PCDHGA11: variants seen among roughly 807,000 people sequenced by gnomAD.
PCDHGA11 encodes protocadherin gamma subfamily A, 11.
Under a neutral mutation model 60.4 loss-of-function variants are expected in PCDHGA11, and 39 were observed. The ratio of observed to expected loss-of-function variants is 0.65; its 90% CI spans 0.50 to 0.84. The LOEUF is 0.84. Ranked by LOEUF, PCDHGA11 falls within the 40% of genes least tolerant of loss-of-function variation. The probability of loss-of-function intolerance (pLI) is 0.00; values close to 1 mark genes in which losing one functional copy is unlikely to be tolerated. For synonymous variants in PCDHGA11, 533 were observed against 510.3 expected, an observed-to-expected ratio of 1.04 and a Z score of -0.60; for missense variants, 1,165 against 1,197.7, an observed-to-expected ratio of 0.97 and a Z score of 0.40.
At position 141,423,187 on chromosome 5, in the gene PCDHGA11, C is replaced by G; in HGVS notation, c.1960C>G (p.Pro654Ala). 5 of 1,613,640 alleles carry G rather than the reference C, an allele frequency of 3.1e-6. No homozygotes were observed. Among genetic ancestry groups the G allele is most frequent in the Middle Eastern group, 1.6e-4 (1 of 6,062 alleles). Residue 654 changes from proline (P) to alanine (A), a missense_variant, in exon 1 of 4, where the codon CCT (proline) becomes GCT (alanine). Physicochemically the swap from Pro to Ala is conservative, Grantham distance 27. Transcript: ENST00000398587. ...GGCCGTCCAGGACCACGGCCAGCCC[C>G]CTCTCTCGGCCACCGTCACGCTCAC... ...VVAVQDHGQPPLSATVTLTVA... is the reference protein window; with the variant it reads ...VVAVQDHGQPALSATVTLTVA...
intron 1 of PCDHGA11, chr5:141,479,325 A>C (rs2099492835): frequency 6.6e-6 from 1 of 152,648 alleles, no homozygotes; most frequent in South Asian, 2.1e-4. Context: ...AGCCAGACTC[A>C]GTGGTGTGCA....
chr5:141,455,037 C>T (rs1251627513), intron 1 of PCDHGA11, among the ~76,000 whole-genome samples: 1 of 151,744 alleles, frequency 6.6e-6, no homozygotes, highest in Non-Finnish European at 1.5e-5. Flanking sequence ...TGGTCTCGAT[C>T]TCCTGACCTC....
chr5:141,443,436 T>A (rs1435598893), intron 1 of PCDHGA11, among the ~76,000 whole-genome samples: 1 of 152,132 alleles, frequency 6.6e-6, no homozygotes, highest in Admixed American at 6.6e-5. Context: ...CAGTGAGCTG[T>A]GGTTGCGCTC....
intron 1 of PCDHGA11, among the ~76,000 whole-genome samples, chr5:141,492,394 G>C (rs2099740158): frequency 6.6e-6 from 1 of 152,220 alleles, no homozygotes; most frequent in African/African-American, 2.4e-5. Context: ...CGGTCCACTC[G>C]CAGCTCCCCT....
chr5:141,438,641 C>CAT (rs2098042490), intron 1 of PCDHGA11, among the ~76,000 whole-genome samples: 2 of 79,354 alleles, frequency 2.5e-5, no homozygotes, highest in Non-Finnish European at 4.5e-5. Context: ...TATATACACA[C>CAT]ACACACACAC....
At chr5:141,473,375 T>C (rs1433212994) in intron 1 of PCDHGA11, among the ~76,000 whole-genome samples, 1 of 152,192 alleles carries the variant, frequency 6.6e-6, no homozygotes, top group African/African-American at 2.4e-5. Flanking sequence ...AATAGCATGG[T>C]CCCTGCCCTC....
intron 3 of PCDHGA11, among the ~76,000 whole-genome samples, chr5:141,509,504 C>T (rs534951697): frequency 4.7e-4 from 72 of 152,246 alleles, no homozygotes; most frequent in Non-Finnish European, 8.4e-4. Flanking sequence ...CTGGATGTGA[C>T]GGTGTTGATG....
intron 1 of PCDHGA11, among the ~76,000 whole-genome samples, chr5:141,479,053 A>G (rs534968614): frequency 9.2e-5 from 14 of 152,334 alleles, no homozygotes; most frequent in African/African-American, 3.1e-4. Context: ...TCATTCTCAG[A>G]TAATTTTTTA....
rs184835272 is a variant in PCDHGA11, at chr5:141,470,234, C to A, written c.2434-24573C>A. ...AACCATTCAGCTTCTTCACCAAACC[C>A]TTGAATGTCCCACCTGTCTAAATGG... On this transcript the variant is annotated intron_variant, in intron 1 of 3. Transcript: ENST00000398587. Among the ~76,000 whole-genome samples, 6 of 152,288 alleles carry A rather than the reference C, an allele frequency of 3.9e-5. No individual in the cohort carries two copies. The East Asian group carries it at 9.6e-4, about 24-fold the overall frequency.
intron 1 of PCDHGA11, among the ~76,000 whole-genome samples, chr5:141,472,042 T>C (rs2099270232): frequency 2.0e-5 from 3 of 152,146 alleles, no homozygotes; most frequent in African/African-American, 7.2e-5. Context: ...TGTGAAAAGA[T>C]TTTAAAAATG....
Position 141,485,208 on chromosome 5 carries a change from G to T in PCDHGA11, c.2434-9599G>T, listed in dbSNP as rs2099609377. On this transcript the variant is annotated intron_variant, in intron 1 of 3. Coordinates refer to ENST00000398587, the MANE Select transcript of PCDHGA11 (RefSeq NM_018914.3). This position sits in a 1 kb window ranked among gnomAD's most constrained non-coding sequence, Gnocchi z 5.7. ...AAGGTGAGAAGCTGGACAGAAATCT[G>T]GCGGTGGGCTACCCTTTTGTTCCTC... The T allele has an allele frequency of 6.2e-7, 1 of 1,613,998 alleles. No homozygotes were observed. The highest frequency in any genetic ancestry group is 1.3e-5 in the African/African-American group (1 of 74,930).
At chr5:141,469,408 C>A (rs765861544) in intron 1 of PCDHGA11, among the ~76,000 whole-genome samples, 20 of 152,008 alleles carry the variant, frequency 1.3e-4, no homozygotes, top group Non-Finnish European at 2.6e-4. Flanking sequence ...AACCCCGTTT[C>A]TACTAAAAAT....
intron 1 of PCDHGA11, among the ~76,000 whole-genome samples, chr5:141,460,961 A>ATATG (rs1463306338): frequency 3.5e-5 from 5 of 144,556 alleles, no homozygotes; most frequent in African/African-American, 1.3e-4. Flanking sequence ...GTATATATAT[A>ATATG]TGTGTGTGTG....
Position 141,489,956 on chromosome 5 carries a change from C to CTCCAACCT in PCDHGA11, c.2434-4845_2434-4838dup, listed in dbSNP as rs1176419823. Reference sequence around the variant, plus strand: ...ATCGTGCTGGACATCAATGATAATGCTCCAACCTTCCAATCCTCAGTTCTA... The same window carrying CTCCAACCT: ...ATCGTGCTGGACATCAATGATAATGCTCCAACCTTCCAACCTTCCAATCCTCAGTTCTA... On this transcript the variant is annotated intron_variant, in intron 1 of 3. Coordinates refer to ENST00000398587, the MANE Select transcript of PCDHGA11 (RefSeq NM_018914.3). The surrounding 1 kb of genome is among the most constrained non-coding windows in gnomAD (Gnocchi z 4.5). 16 of 1,614,012 alleles carry CTCCAACCT rather than the reference C, an allele frequency of 9.9e-6. No individual in the cohort carries two copies. The highest frequency in any genetic ancestry group is 1.4e-5 in the Non-Finnish European group (16 of 1,179,974).
rs2096591907 is a variant in PCDHGA11 at position 141,421,680 on chromosome 5, G to A, written c.453G>A (p.Ala151=). 3.1e-6 allele frequency: 5 copies of A among 1,613,758 alleles called. No individual in the cohort carries two copies. Among genetic ancestry groups the A allele is most frequent in the Non-Finnish European group, 4.2e-6 (5 of 1,179,852 alleles). The part of the protein sequence containing the change: ...IKVSEHAIPG[A]RFALPNARDP... ...TCAGTGAGCACGCAATTCCTGGGGCGCGATTTGCTCTTCCTAATGCTAGGG... is the reference window on the plus strand; with the variant it reads ...TCAGTGAGCACGCAATTCCTGGGGCACGATTTGCTCTTCCTAATGCTAGGG... Residue 151 remains alanine, a synonymous_variant, in exon 1 of 4, where the codon GCG becomes GCA. Transcript: ENST00000398587.
In PCDHGA11 at chr5:141,432,677, C is replaced by T. The variant is rs1241190176; in HGVS notation, c.2433+9017C>T. On this transcript the variant is annotated intron_variant, in intron 1 of 3. Transcript: ENST00000398587. This position sits in a 1 kb window ranked among gnomAD's most constrained non-coding sequence, Gnocchi z 6.0. ...CCTGCTGGACAGAGACGCGCTCAAGCAGAGCCTCGTAGTGGCCGTCCAGGA... is the reference window on the plus strand; with the variant it reads ...CCTGCTGGACAGAGACGCGCTCAAGTAGAGCCTCGTAGTGGCCGTCCAGGA... The T allele has an allele frequency of 1.2e-6, 2 of 1,613,942 alleles. No individual in the cohort carries two copies. The highest frequency in any genetic ancestry group is 1.1e-5 in the South Asian group (1 of 91,076).
rs547854431 is a variant in PCDHGA11, at chr5:141,476,383, C to A, written c.2434-18424C>A. 1.2e-6 allele frequency: 2 copies of A among 1,614,102 alleles called. No homozygotes were observed. Among genetic ancestry groups the A allele is most frequent in the African/African-American group, 1.3e-5 (1 of 75,014 alleles). On this transcript the variant is annotated intron_variant, in intron 1 of 3. Transcript: ENST00000398587. The surrounding 1 kb of genome is among the most constrained non-coding windows in gnomAD (Gnocchi z 7.6). ...GGGAGACCGGAGAGATGTTTGTGAA[C>A]GACCGTCTGGATCGAGAGGAGCTGT...
chr5:141,421,702 A>G lies in PCDHGA11; in HGVS notation c.475A>G (p.Arg159Gly), dbSNP rs2096594027. 6.2e-7 allele frequency: 1 copy of G among 1,613,950 alleles called. No individual in the cohort carries two copies. Among genetic ancestry groups the G allele is most frequent in the Non-Finnish European group, 8.5e-7 (1 of 1,179,856 alleles). ...PGARFALPNA[R>G]DPDVGVNSLQ... ...GGCGCGATTTGCTCTTCCTAATGCT[A>G]GGGATCCAGATGTGGGCGTGAACTC... The change falls in exon 1 of 4, where the codon AGG (arginine) becomes GGG (glycine). Residue 159 changes from arginine to glycine, a missense_variant. By Grantham distance (125) the Arg-to-Gly change is moderately radical. Transcript: ENST00000398587.
At chr5:141,465,792 T>A (rs1262092940) in intron 1 of PCDHGA11, among the ~76,000 whole-genome samples, 2 of 152,018 alleles carry the variant, frequency 1.3e-5, no homozygotes, top group Non-Finnish European at 2.9e-5. Flanking sequence ...TTTTTTTTTT[T>A]AAGAAACCCT....
Sources: allele counts gnomAD v4.1 joint callset (sites outside exome capture counted in the v4.1 genomes callset), GRCh38; gene constraint gnomAD v4.1.1; non-coding constraint Gnocchi (gnomAD v3.1); transcripts MANE v1.5; gene names NCBI Gene and HGNC (gene_info 2026-07-23, HGNC 2026-07-21).